CYP4B1: variants seen among roughly 807,000 people sequenced by gnomAD.
CYP4B1 encodes cytochrome P450 4B1.
A neutral mutation model predicts 54.0 loss-of-function variants in CYP4B1; 45 were observed. That is an observed-to-expected ratio of 0.83 (90% CI 0.66 to 1.07). The LOEUF (loss-of-function observed/expected upper bound fraction) is 1.07. Ranked by LOEUF, CYP4B1 falls within the 50% of genes least tolerant of loss-of-function variation. The pLI is 0.00. For missense variants in CYP4B1, 656 were observed against 655.4 expected, an observed-to-expected ratio of 1.00 and a Z score of -0.01; for synonymous variants, 248 against 247.5, an observed-to-expected ratio of 1.00 and a Z score of -0.02.
chr1:46,816,105 C>A (rs937531534), intron 8 of CYP4B1, among the ~76,000 whole-genome samples: 6 of 152,290 alleles, frequency 3.9e-5, no homozygotes, highest in Middle Eastern at 3.4e-3. Flanking sequence ...TGAGAATCCC[C>A]CCCCCACGGG....
chr1:46,800,479 C>T (rs837399), intron 1 of CYP4B1, among the ~76,000 whole-genome samples: 74,618 of 151,340 alleles, frequency 0.49, 20,876 homozygotes, highest in Non-Finnish European at 0.63. Context: ...CACAGGCACG[C>T]GCCACCATGC....
intron 9 of CYP4B1, 85 bp downstream of exon 9, chr1:46,817,266 T>C (rs541584961): frequency 8.4e-6 from 13 of 1,554,212 alleles, no homozygotes; most frequent in Non-Finnish European, 1.1e-5. Flanking sequence ...ATCTTTGCAC[T>C]TTTGGGGAAG....
intron 11 of CYP4B1, 126 bp from the exon 12 acceptor site, chr1:46,818,505 C>A: frequency 9.7e-7 from 1 of 1,027,470 alleles, no homozygotes; most frequent in Non-Finnish European, 1.5e-6. Flanking sequence ...AAGCCCAGGT[C>A]AACCAATCTA....
chr1:46,808,450 G>A (rs1376308527), intron 1 of CYP4B1, among the ~76,000 whole-genome samples: 1 of 151,556 alleles, frequency 6.6e-6, no homozygotes, highest in Non-Finnish European at 1.5e-5. Context: ...CTTCTTTTGA[G>A]AAGTGTCTGT....
At chr1:46,801,012 T>C (rs1186811561) in intron 1 of CYP4B1, among the ~76,000 whole-genome samples, 1 of 152,188 alleles carries the variant, frequency 6.6e-6, no homozygotes, top group Non-Finnish European at 1.5e-5. Flanking sequence ...TGTTTACCTA[T>C]TCAACTTCTG....
intron 11 of CYP4B1, 75 bp downstream of exon 11, chr1:46,818,288 A>G (rs577801403): frequency 7.6e-7 from 1 of 1,323,680 alleles, no homozygotes; most frequent in East Asian, 2.3e-5. Context: ...GGGAGGCACT[A>G]TTAGAAGGTA....
At chr1:46,816,983 G>A in intron 8 of CYP4B1, 65 bp from the exon 9 acceptor site, 1 of 1,586,470 alleles carries the variant, frequency 6.3e-7, no homozygotes, top group Non-Finnish European at 8.6e-7. Context: ...TGGGGCTGGG[G>A]TCTGCTTTCT....
chr1:46,812,201 A>G (rs993060629), intron 3 of CYP4B1: 3 of 550,306 alleles, frequency 5.5e-6, no homozygotes, highest in Non-Finnish European at 1.0e-5. Context: ...TTTGTCTCAC[A>G]TCTGGCAATG....
At chr1:46,799,904 G>A (rs2148391054) in intron 1 of CYP4B1, among the ~76,000 whole-genome samples, 1 of 152,334 alleles carries the variant, frequency 6.6e-6, no homozygotes, top group South Asian at 2.1e-4. Context: ...GTTTCCTACT[G>A]TATTGGGGAT....
At chr1:46,800,160 C>T (rs930117393) in intron 1 of CYP4B1, among the ~76,000 whole-genome samples, 1 of 139,380 alleles carries the variant, frequency 7.2e-6, no homozygotes, top group Non-Finnish European at 1.6e-5. Flanking sequence ...CCCTTTCTTT[C>T]TTTCTTTTTT....
intron 1 of CYP4B1, 110 bp downstream of exon 1, chr1:46,799,371 G>A: frequency 1.0e-6 from 1 of 992,306 alleles, no homozygotes; most frequent in Non-Finnish European, 1.5e-6. Flanking sequence ...CTTGGGCAGG[G>A]GGATGATGTC....
chr1:46,808,925 C>T (rs1406658843), intron 1 of CYP4B1, among the ~76,000 whole-genome samples: 5 of 129,102 alleles, frequency 3.9e-5, no homozygotes, highest in African/African-American at 1.5e-4. Context: ...ACAATGAGAT[C>T]ACATGGACAC....
At chr1:46,813,720 C>T in intron 5 of CYP4B1, 114 bp downstream of exon 5, 7 of 1,504,658 alleles carry the variant, frequency 4.7e-6, no homozygotes, top group South Asian at 1.2e-5. Context: ...CCCCAGGGAG[C>T]CTTAGCTTGC....
chr1:46,813,448 C>G, intron 4 of CYP4B1, 34 bp from the exon 5 acceptor site: 1 of 1,613,834 alleles, frequency 6.2e-7, no homozygotes, highest in Non-Finnish European at 8.5e-7. Context: ...CCTGCATCGC[C>G]TCCTACACAT....
At chr1:46,801,720 T>C (rs1225524503) in intron 1 of CYP4B1, among the ~76,000 whole-genome samples, 7 of 152,204 alleles carry the variant, frequency 4.6e-5, no homozygotes, top group African/African-American at 7.2e-5. Context: ...TTCCCTAATG[T>C]AAAAATGAGG....
chr1:46,809,559 A>T (rs79550295), intron 1 of CYP4B1, among the ~76,000 whole-genome samples: 2 of 152,190 alleles, frequency 1.3e-5, no homozygotes, highest in Admixed American at 1.3e-4. Context: ...CTAAAATGGG[A>T]CCACTTAGAG....
chr1:46,805,145 A>G (rs1295393656), intron 1 of CYP4B1, among the ~76,000 whole-genome samples: 3 of 152,234 alleles, frequency 2.0e-5, no homozygotes, highest in African/African-American at 4.8e-5. Context: ...AAAGCCACCC[A>G]TGCGGACTGA....
chr1:46,802,511 GATAA>G (rs1331164453), intron 1 of CYP4B1, among the ~76,000 whole-genome samples: 1 of 152,240 alleles, frequency 6.6e-6, no homozygotes, highest in Non-Finnish European at 1.5e-5. Flanking sequence ...CTACTGGGCA[GATAA>G]ACGTCAGGTG....
chr1:46,805,181 C>T (rs1435309125), intron 1 of CYP4B1, among the ~76,000 whole-genome samples: 1 of 152,246 alleles, frequency 6.6e-6, no homozygotes, highest in African/African-American at 2.4e-5. Flanking sequence ...TCCCCTTGGA[C>T]TCTTGGGCAT....
Sources: allele counts gnomAD v4.1 joint callset (sites outside exome capture counted in the v4.1 genomes callset), GRCh38; gene constraint gnomAD v4.1.1; transcripts MANE v1.5; gene names NCBI Gene and HGNC (gene_info 2026-07-23, HGNC 2026-07-21).